The following SUZ12 variants were observed in gnomAD, a reference collection of about 807,000 sequenced individuals.
The protein encoded by SUZ12 is SUZ12 polycomb repressive complex 2 subunit.
In SUZ12, 17 loss-of-function variants were observed where a neutral mutation model predicts 87.3. That is an observed-to-expected ratio of 0.19 (90% confidence interval 0.13 to 0.29). The LOEUF is 0.29. Ranked by LOEUF, SUZ12 falls within the 10% of genes least tolerant of loss-of-function variation. The pLI is 1.00. For synonymous variants in SUZ12, 253 were observed against 312.4 expected (o/e 0.81, Z 2.01); for missense variants, 526 against 912.2 (o/e 0.58, Z 5.45).
chr17:31,986,548 T>C (rs947653506), intron 9 of SUZ12, among the ~76,000 whole-genome samples: 1 of 146,774 alleles, frequency 6.8e-6, no homozygotes, highest in Non-Finnish European at 1.5e-5. Flanking sequence ...AGTAGTTTTT[T>C]GTTTTGTTTT....
chr17:31,975,228 C>T (rs1393352686), intron 6 of SUZ12, among the ~76,000 whole-genome samples: 1 of 152,030 alleles, frequency 6.6e-6, no homozygotes, highest in Non-Finnish European at 1.5e-5. Context: ...TCACTGTTAG[C>T]TAAATATTAG....
rs9901085 is a variant in SUZ12, at chr17:31,940,546, C to A, written c.386+60C>A. 8,683 of 1,493,070 alleles carry A rather than the reference C, an allele frequency of 5.8e-3. 451 individuals carry two copies. The African/African-American group carries it at 0.11, about 19-fold the overall frequency. The allele number at this position is 1,493,070 out of a possible 1,614,324, so 92.5% of individuals were successfully genotyped here. ...ACCATGTTAGTTTTATTTTAAAGTACTATTTCTCAAAATTAAAAAAAAAAA... is the reference window on the plus strand; with the variant it reads ...ACCATGTTAGTTTTATTTTAAAGTAATATTTCTCAAAATTAAAAAAAAAAA... On this transcript the variant is annotated intron_variant, in intron 3 of 15. Transcript: ENST00000322652.
At chr17:31,966,983 T>G (rs1188823178) in intron 5 of SUZ12, 1 of 150,138 alleles carries the variant, frequency 6.7e-6, no homozygotes, top group Non-Finnish European at 1.5e-5. Context: ...GAGTTCAGGA[T>G]GTTCAGGAGT....
intron 1 of SUZ12, among the ~76,000 whole-genome samples, chr17:31,939,585 G>A (rs1347409420): frequency 2.7e-5 from 4 of 150,806 alleles, no homozygotes; most frequent in Non-Finnish European, 4.4e-5. Context: ...GTACAATGAC[G>A]CGATCTCGGC....
chr17:31,979,011 C>G (rs1908921375), intron 8 of SUZ12, among the ~76,000 whole-genome samples: 1 of 145,534 alleles, frequency 6.9e-6, no homozygotes, highest in Non-Finnish European at 1.5e-5. Flanking sequence ...GAGGCTGAGG[C>G]AGGAGAATCG....
rs370308004 is a variant in SUZ12 at position 31,995,301 on chromosome 17, CTTCAT to C, written c.1596-259_1596-255del. On this transcript the variant is annotated intron_variant, in intron 13 of 15. Coordinates refer to ENST00000322652, the MANE Select transcript of SUZ12 (RefSeq NM_015355.4). ...CTATCTGAATGTGCCCTAACTAGCA[CTTCAT>C]TTCTTTTTCCTCCTTTTTAACTGTA... Among the ~76,000 whole-genome samples, 900 of 152,238 alleles carry C rather than the reference CTTCAT, an allele frequency of 5.9e-3. 7 individuals carry two copies. Among genetic ancestry groups the C allele is most frequent in the African/African-American group, 0.021 (864 of 41,544 alleles).
At chr17:31,938,366 A>C (rs958200108) in intron 1 of SUZ12, among the ~76,000 whole-genome samples, 15 of 152,200 alleles carry the variant, frequency 9.9e-5, no homozygotes, top group Non-Finnish European at 4.4e-5. Context: ...ATAGCTAAAT[A>C]ATCTTACAGA....
At chr17:31,957,694 A>T (rs1907438294) in intron 4 of SUZ12, among the ~76,000 whole-genome samples, 1 of 149,110 alleles carries the variant, frequency 6.7e-6, no homozygotes, top group South Asian at 2.1e-4. Context: ...TGTAGCCGTA[A>T]GCCACTGCCC....
At position 31,946,476 on chromosome 17, in the gene SUZ12, G is replaced by A. The variant is rs534368198; in HGVS notation, c.387-1141G>A. Among the ~76,000 whole-genome samples, 7 of 152,264 alleles carry A rather than the reference G, an allele frequency of 4.6e-5. No homozygotes were observed. The East Asian group carries it at 1.4e-3, about 29-fold the overall frequency. ...GAACCCGGGAGGTGGAGGTTGCAGT[G>A]AGCCGAGATCACGTCATTGTACTCC... is the stretch of plus-strand genomic sequence containing the variant. On this transcript the variant is annotated intron_variant, in intron 3 of 15. Transcript: ENST00000322652.
chr17:31,948,278 G>T (rs1906753341), intron 4 of SUZ12, among the ~76,000 whole-genome samples: 2 of 152,140 alleles, frequency 1.3e-5, no homozygotes, highest in Non-Finnish European at 1.5e-5. Flanking sequence ...TGACTAGTCT[G>T]ATATCTGTCT....
chr17:31,989,286 T>C (rs1909577345), intron 10 of SUZ12, among the ~76,000 whole-genome samples: 1 of 152,096 alleles, frequency 6.6e-6, no homozygotes, highest in African/African-American at 2.4e-5. Flanking sequence ...TCATGGTAAA[T>C]TAAGGTTCTC....
At chr17:31,990,313 T>C (rs1316721943) in intron 10 of SUZ12, among the ~76,000 whole-genome samples, 1 of 151,472 alleles carries the variant, frequency 6.6e-6, no homozygotes, top group Non-Finnish European at 1.5e-5. Flanking sequence ...GGTTTCACCG[T>C]GTTAGCCAGG....
chr17:31,990,425 G>A (rs1909663516), intron 10 of SUZ12, among the ~76,000 whole-genome samples: 3 of 151,458 alleles, frequency 2.0e-5, no homozygotes, highest in South Asian at 2.1e-4. Flanking sequence ...GTGCGGTGAC[G>A]TGATCTCGGC....
intron 4 of SUZ12, among the ~76,000 whole-genome samples, chr17:31,962,185 C>G (rs942952977): frequency 6.6e-6 from 1 of 152,164 alleles, no homozygotes; most frequent in Admixed American, 6.6e-5. Flanking sequence ...CCTATAATCG[C>G]AGCACTTGGG....
At chr17:31,980,417 A>G (rs1909026669) in intron 8 of SUZ12, among the ~76,000 whole-genome samples, 1 of 137,488 alleles carries the variant, frequency 7.3e-6, no homozygotes, top group African/African-American at 2.7e-5. Context: ...GATATACCAG[A>G]ATCACCTTCT....
intron 1 of SUZ12, among the ~76,000 whole-genome samples, chr17:31,938,733 C>T (rs1416245974): frequency 6.6e-6 from 1 of 152,028 alleles, no homozygotes; most frequent in Non-Finnish European, 1.5e-5. Context: ...ATCTCATCTC[C>T]CTTTAGTTAA....
At chr17:31,965,958 T>C (rs1908059882) in intron 4 of SUZ12, 189 bp from the exon 5 acceptor site, 1 of 511,162 alleles carries the variant, frequency 2.0e-6, no homozygotes, top group Admixed American at 3.8e-5. Flanking sequence ...TTTTGTTAGG[T>C]GTATAGACAC....
At chr17:31,981,643 A>ACT (rs1165196567) in intron 8 of SUZ12, among the ~76,000 whole-genome samples, 1 of 151,866 alleles carries the variant, frequency 6.6e-6, no homozygotes, top group African/African-American at 2.4e-5. Flanking sequence ...TTGCTGATGT[A>ACT]CTATTGAAGT....
chr17:31,990,121 A>ATTTTTTTT (rs59793925), intron 10 of SUZ12, among the ~76,000 whole-genome samples: 205 of 99,834 alleles, frequency 2.1e-3, no homozygotes, highest in African/African-American at 4.9e-3. Flanking sequence ...TGCCCGGCTA[A>ATTTTTTTT]TTTTTTTTTT....
Sources: allele counts gnomAD v4.1 joint callset (sites outside exome capture counted in the v4.1 genomes callset), GRCh38; gene constraint gnomAD v4.1.1; transcripts MANE v1.5; gene names NCBI Gene and HGNC (gene_info 2026-07-23, HGNC 2026-07-21).